SLC24A2: variants seen among roughly 807,000 people sequenced by gnomAD.
SLC24A2 encodes solute carrier family 24 member 2.
Under a neutral mutation model 62.0 loss-of-function variants are expected in SLC24A2, and 36 were observed. The ratio of observed to expected loss-of-function variants is 0.58; its 90% CI spans 0.44 to 0.77. The LOEUF is 0.77. Ranked by LOEUF, SLC24A2 falls within the 30% of genes least tolerant of loss-of-function variation. The pLI, the probability that SLC24A2 is intolerant of heterozygous loss-of-function variation, is 0.00. For missense variants in SLC24A2, 846 were observed against 817.9 expected (o/e 1.03, Z -0.42); for synonymous variants, 358 against 294.0 (o/e 1.22, Z -2.23).
chr9:19,667,320 C>T (rs1473396068), intron 2 of SLC24A2, among the ~76,000 whole-genome samples: 3 of 152,176 alleles, frequency 2.0e-5, no homozygotes, highest in African/African-American at 4.8e-5. Context: ...TTTCTACCTT[C>T]CCACCCAGGT....
chr9:20,194,197 T>G, the SLC24A2 span, among the ~76,000 whole-genome samples: 1 of 152,038 alleles, frequency 6.6e-6, no homozygotes, highest in South Asian at 2.1e-4. Context: ...AAGCATGTCA[T>G]GAAAACCAGA....
the SLC24A2 span, among the ~76,000 whole-genome samples, chr9:20,251,194 C>T: frequency 6.6e-6 from 1 of 152,200 alleles, no homozygotes; most frequent in South Asian, 2.1e-4. Flanking sequence ...TGAGAATTTT[C>T]TCTCTACTTC....
intron 7 of SLC24A2, among the ~76,000 whole-genome samples, chr9:19,567,617 C>T (rs1344049432): frequency 7.0e-5 from 10 of 143,422 alleles, no homozygotes; most frequent in African/African-American, 1.6e-4. Flanking sequence ...ACAGCAACTA[C>T]AAACGTCATA....
At chr9:20,017,108 T>C in the SLC24A2 span, among the ~76,000 whole-genome samples, 1 of 152,196 alleles carries the variant, frequency 6.6e-6, no homozygotes, top group African/African-American at 2.4e-5. Flanking sequence ...CTGCAACCTC[T>C]GTCTCTTGAC....
chr9:20,082,379 T>G, the SLC24A2 span, among the ~76,000 whole-genome samples: 1 of 152,200 alleles, frequency 6.6e-6, no homozygotes, highest in Non-Finnish European at 1.5e-5. Flanking sequence ...AGAAAGTGTT[T>G]TGGAAGGATC....
At chr9:19,676,699 C>G (rs1035973819) in intron 2 of SLC24A2, among the ~76,000 whole-genome samples, 10 of 152,010 alleles carry the variant, frequency 6.6e-5, no homozygotes, top group Admixed American at 5.2e-4. Flanking sequence ...TCTGGCAATC[C>G]CATTCCAGTT....
chr9:19,522,172 CT>C (rs111875812), intron 9 of SLC24A2, among the ~76,000 whole-genome samples: 1 of 152,038 alleles, frequency 6.6e-6, no homozygotes, highest in African/African-American at 2.4e-5. Flanking sequence ...CCACACCTGG[CT>C]AGTTTTTTTT....
At chr9:20,268,943 G>C in the SLC24A2 span, among the ~76,000 whole-genome samples, 1 of 152,174 alleles carries the variant, frequency 6.6e-6, no homozygotes, top group African/African-American at 2.4e-5. Flanking sequence ...ATCTTCAACA[G>C]CCAGCTAACA....
chr9:19,583,989 G>A (rs1028731642), intron 5 of SLC24A2, among the ~76,000 whole-genome samples: 1 of 152,134 alleles, frequency 6.6e-6, no homozygotes, highest in African/African-American at 2.4e-5. Context: ...TCTTTTCGAA[G>A]TGGAAACCCA....
chr9:20,186,998 G>T, the SLC24A2 span, among the ~76,000 whole-genome samples: 13 of 152,128 alleles, frequency 8.5e-5, no homozygotes, highest in African/African-American at 3.1e-4. Context: ...TCTCTATGAA[G>T]ATTTTTTAAA....
At chr9:19,699,628 T>A (rs1820298176) in intron 2 of SLC24A2, among the ~76,000 whole-genome samples, 1 of 152,184 alleles carries the variant, frequency 6.6e-6, no homozygotes, top group Admixed American at 6.5e-5. Flanking sequence ...AAAAATACTT[T>A]TCTAAAAATA....
At chr9:20,094,362 G>A in the SLC24A2 span, among the ~76,000 whole-genome samples, 1 of 152,142 alleles carries the variant, frequency 6.6e-6, no homozygotes, top group Non-Finnish European at 1.5e-5. Flanking sequence ...TTTGTCAGAT[G>A]TTTTCTTTAA....
rs200106604 is a variant in SLC24A2, at chr9:19,516,200, T to C, written c.1939A>G (p.Ser647Gly). 37 of 1,614,022 alleles carry C rather than the reference T, an allele frequency of 2.3e-5. No homozygotes were observed. Among genetic ancestry groups the C allele is most frequent in the Middle Eastern group, 1.6e-4 (1 of 6,084 alleles). ...AGAATTCTGTCTTCTAGGAGAACGC[T>C]CACCACCAGGAACACAAAGTAGAGG... is the stretch of plus-strand genomic sequence containing the variant. ...FGLYFVFLVV[S>G]VLLEDRILTC... Residue 647 changes from serine (S) to glycine (G), a missense_variant, in exon 11 of 11, where the codon AGC (serine) becomes GGC (glycine). Ser to Gly is a moderately conservative substitution (Grantham distance 56). Transcript: ENST00000341998.
chr9:19,786,395 C>G lies in SLC24A2; in HGVS notation c.472G>C (p.Val158Leu), dbSNP rs776862804. 1.2e-6 allele frequency: 2 copies of G among 1,614,198 alleles called. No homozygotes were observed. The highest frequency in any genetic ancestry group is 1.7e-6 in the Non-Finnish European group (2 of 1,180,036). ...ALAIVCDEFF[V>L]PSLTVITEKL... is the part of the protein sequence containing the mutation. ...TCAGTGATGACAGTCAAAGAAGGAA[C>G]AAAGAACTCATCACAGACAATGGCT... The change falls in exon 2 of 11, where the codon GTT becomes CTT. Residue 158 changes from valine to leucine, a missense_variant. By Grantham distance (32) the Val-to-Leu change is conservative (BLOSUM62 1). Coordinates refer to ENST00000341998, the MANE Select transcript of SLC24A2 (RefSeq NM_020344.4). The surrounding 1 kb of genome is among the most constrained non-coding windows in gnomAD (Gnocchi z 5.0).
chr9:20,177,031 C>T, the SLC24A2 span, among the ~76,000 whole-genome samples: 7 of 152,092 alleles, frequency 4.6e-5, no homozygotes, highest in Admixed American at 2.6e-4. Context: ...CTTTGATTCA[C>T]AGAAATGTCT....
At chr9:20,279,712 G>A in the SLC24A2 span, among the ~76,000 whole-genome samples, 1 of 152,130 alleles carries the variant, frequency 6.6e-6, no homozygotes, top group African/African-American at 2.4e-5. Context: ...CTTGTGTAAA[G>A]CATAATTAGG....
the SLC24A2 span, among the ~76,000 whole-genome samples, chr9:19,882,664 TAAA>T: frequency 4.5e-3 from 637 of 140,918 alleles, 7 homozygotes; most frequent in African/African-American, 0.015. Context: ...ATCTACAGGT[TAAA>T]AAAAAAAAAA....
chr9:19,521,930 G>T (rs1236410693), intron 9 of SLC24A2, among the ~76,000 whole-genome samples: 1 of 150,768 alleles, frequency 6.6e-6, no homozygotes, highest in African/African-American at 2.4e-5. Context: ...TTCTATTTTG[G>T]AAGGTTGGTC....
intron 9 of SLC24A2, among the ~76,000 whole-genome samples, chr9:19,526,162 ATGT>A (rs1346323646): frequency 6.6e-6 from 1 of 152,184 alleles, no homozygotes; most frequent in Non-Finnish European, 1.5e-5. Context: ...AATTTCACTC[ATGT>A]TGTAGCATGT....
Sources: gnomAD v4.1 joint callset for allele counts (sites outside exome capture counted in the v4.1 genomes callset) on GRCh38, gnomAD v4.1.1 for gene constraint, Gnocchi (gnomAD v3.1) non-coding constraint, MANE v1.5 for transcripts, NCBI Gene and HGNC (gene_info 2026-07-23, HGNC 2026-07-21) for gene names.